The following TRERF1 variants were observed in gnomAD, a reference collection of about 807,000 sequenced individuals.
The protein encoded by TRERF1 is transcriptional regulating factor 1, also known as transcriptional-regulating factor 1.
TRERF1 carries 27 observed loss-of-function variants against 122.9 expected under a neutral mutation model. That is an observed-to-expected ratio of 0.22 (90% CI 0.16 to 0.30). The LOEUF is 0.30. Among genes scored for constraint, TRERF1 ranks in the 10% least tolerant of loss-of-function variants. The pLI, the probability that TRERF1 is intolerant of heterozygous loss-of-function variation, is 1.00. For missense variants in TRERF1, 1,248 were observed against 1,560.3 expected (o/e 0.80, Z 3.37); for synonymous variants, 636 against 641.7 (o/e 0.99, Z 0.13).
intron 8 of TRERF1, among the ~76,000 whole-genome samples, chr6:42,261,865 C>G (rs1582643279): frequency 6.6e-6 from 1 of 152,190 alleles, no homozygotes; most frequent in African/African-American, 2.4e-5. Context: ...CCTGAGCAAA[C>G]TCCCTTGCCC....
chr6:42,265,302 G>A lies in TRERF1; in HGVS notation c.1485-448C>T, dbSNP rs192690407. Among the ~76,000 whole-genome samples the A allele has an allele frequency of 2.6e-5, 4 of 152,356 alleles. No homozygotes were observed. In the East Asian group the frequency reaches 7.7e-4, roughly 29 times the overall value. On this transcript the variant is annotated intron_variant, in intron 6 of 17. Transcript: ENST00000372922. ...TCTTTATTGACCATGCCCATGGGATGAGGAAGCAAGTCTGTACTGTTCACT... is the reference window on the plus strand; with the variant it reads ...TCTTTATTGACCATGCCCATGGGATAAGGAAGCAAGTCTGTACTGTTCACT...
rs76454850 is a variant in TRERF1 at position 42,249,759 on chromosome 6, A to G, written c.2657-3215T>C. The stretch of plus-strand genomic sequence containing the variant: ...AGAGGTGGCTCTTCTGCACAGTCCT[A>G]GGCTTTGTGCTTTGGTGCAAATGAT... On this transcript the variant is annotated intron_variant, in intron 13 of 17. Coordinates refer to ENST00000372922, the Ensembl canonical transcript of TRERF1. Among the ~76,000 whole-genome samples, 4 of 152,306 alleles carry G rather than the reference A, an allele frequency of 2.6e-5. No individual in the cohort carries two copies. In the East Asian group the frequency reaches 7.7e-4, roughly 29 times the overall value.
chr6:42,290,041 C>T (rs192837029), intron 4 of TRERF1, among the ~76,000 whole-genome samples: 147 of 152,214 alleles, frequency 9.7e-4, no homozygotes, highest in African/African-American at 3.5e-3. Context: ...GCAGCTGGAC[C>T]GAGGTTCCAA....
chr6:42,284,212 T>C (rs13194617), intron 4 of TRERF1, among the ~76,000 whole-genome samples: 4,120 of 151,958 alleles, frequency 0.027, 56 homozygotes, highest in Non-Finnish European at 0.037. Flanking sequence ...CCCTCTAGTG[T>C]CAATCTTTAT....
chr6:42,368,238 C>G (rs1339083667), intron 2 of TRERF1, among the ~76,000 whole-genome samples: 1 of 152,044 alleles, frequency 6.6e-6, no homozygotes, highest in Non-Finnish European at 1.5e-5. Flanking sequence ...ATTGTACCTC[C>G]CCAACCAGGT....
chr6:42,308,321 T>C lies in TRERF1; in HGVS notation c.-370-7572A>G, dbSNP rs115963935. 2.9e-3 allele frequency among the ~76,000 whole-genome samples: 448 copies of C among 152,302 alleles called. 2 individuals carry two copies. Among genetic ancestry groups the C allele is most frequent in the African/African-American group, 0.01 (423 of 41,574 alleles). ...ATAAACACTAATACATGCAACAACA[T>C]GGATGAACCTCGAAAACAGGGTGTT... is the stretch of plus-strand genomic sequence containing the variant. On this transcript the variant is annotated intron_variant, in intron 3 of 17. Coordinates refer to ENST00000372922, the Ensembl canonical transcript of TRERF1.
intron 4 of TRERF1, among the ~76,000 whole-genome samples, chr6:42,278,553 C>T (rs1781708394): frequency 6.6e-6 from 1 of 152,190 alleles, no homozygotes; most frequent in Non-Finnish European, 1.5e-5. Flanking sequence ...GTGCAACAGG[C>T]TCTGAGTGGG....
intron 4 of TRERF1, among the ~76,000 whole-genome samples, chr6:42,299,094 ATCTGTCTGTCTGTCTGTCTGTC>A (rs1785599175): frequency 7.0e-6 from 1 of 143,054 alleles, no homozygotes; most frequent in African/African-American, 2.6e-5. Context: ...CTATCTATCT[ATCTGTCTGTCTGTCTGTCTGTC>A]TCTATCTATC....
At chr6:42,246,032 C>T (rs932891073) in intron 14 of TRERF1, among the ~76,000 whole-genome samples, 3 of 152,150 alleles carry the variant, frequency 2.0e-5, no homozygotes, top group Non-Finnish European at 4.4e-5. Flanking sequence ...CGCTTGAACC[C>T]GGGAGGTGGA....
chr6:42,436,062 G>C (rs1193055778), intron 2 of TRERF1, among the ~76,000 whole-genome samples: 1 of 151,920 alleles, frequency 6.6e-6, no homozygotes, highest in East Asian at 1.9e-4. Flanking sequence ...GTTGAACATA[G>C]AGTCCATATG....
intron 2 of TRERF1, among the ~76,000 whole-genome samples, chr6:42,443,148 TCAA>T (rs1362701722): frequency 6.6e-6 from 1 of 152,226 alleles, no homozygotes; most frequent in Non-Finnish European, 1.5e-5. Context: ...TTTTTCAAAA[TCAA>T]CGACACATAT....
intron 4 of TRERF1, among the ~76,000 whole-genome samples, chr6:42,296,588 G>A (rs1785148109): frequency 2.0e-5 from 3 of 152,212 alleles, no homozygotes; most frequent in South Asian, 2.1e-4. Context: ...GGCAGAGGTA[G>A]GTTCAAACTC....
intron 15 of TRERF1, among the ~76,000 whole-genome samples, chr6:42,239,109 T>C (rs1331912825): frequency 6.6e-6 from 1 of 152,150 alleles, no homozygotes; most frequent in South Asian, 2.1e-4. Context: ...TCTCTCAATA[T>C]TACTGGAACC....
At chr6:42,264,666 C>G in intron 7 of TRERF1, 38 bp downstream of exon 7, 2 of 1,604,422 alleles carry the variant, frequency 1.2e-6, no homozygotes, top group South Asian at 2.2e-5. Context: ...GCAAGCAGCA[C>G]ACGACCTAGA....
intron 2 of TRERF1, among the ~76,000 whole-genome samples, chr6:42,409,046 G>T (rs1384366507): frequency 2.0e-5 from 3 of 152,006 alleles, no homozygotes; most frequent in African/African-American, 4.8e-5. Flanking sequence ...CCAACAATTC[G>T]GGAGGCTGAA....
Position 42,269,002 on chromosome 6 carries a change from T to C in TRERF1, c.589A>G (p.Ile197Val), listed in dbSNP as rs773474861. Residue 197 changes from isoleucine to valine, a missense_variant, in exon 5 of 18, where the codon ATC (isoleucine) becomes GTC (valine). This residue lies in a region of TRERF1 where 946 missense variants were observed against 1,073.0 expected (regional missense o/e 0.88). Coordinates refer to ENST00000372922, the Ensembl canonical transcript of TRERF1. This position sits in a 1 kb window ranked among gnomAD's most constrained non-coding sequence, Gnocchi z 4.9. ...GGCACCTGCTGGTAGCGGGAAGGGA[T>C]AGCCGGTGCTGGGGGCTCCATGGGC... 2.5e-6 allele frequency: 4 copies of C among 1,613,494 alleles called. No homozygotes were observed. Among genetic ancestry groups the C allele is most frequent in the Non-Finnish European group, 3.4e-6 (4 of 1,179,592 alleles).
intron 3 of TRERF1, among the ~76,000 whole-genome samples, chr6:42,351,039 T>C (rs1434680656): frequency 2.0e-5 from 3 of 151,970 alleles, no homozygotes; most frequent in African/African-American, 7.3e-5. Flanking sequence ...GATGGCCTCA[T>C]GAAAAATGTT....
chr6:42,327,127 G>A (rs1315845163), intron 3 of TRERF1, among the ~76,000 whole-genome samples: 4 of 152,164 alleles, frequency 2.6e-5, no homozygotes, highest in African/African-American at 9.7e-5. Flanking sequence ...ATACCACCAG[G>A]ATAGAGGTCA....
chr6:42,234,144 A>C lies in TRERF1; in HGVS notation c.3067-1252T>G, dbSNP rs187450728. Among the ~76,000 whole-genome samples, 925 of 152,224 alleles carry C rather than the reference A, an allele frequency of 6.1e-3. 6 individuals are homozygous for C. The highest frequency in any genetic ancestry group is 8.7e-3 in the Non-Finnish European group (590 of 68,002). The stretch of plus-strand genomic sequence containing the variant: ...TTATGATAAATTCCAGACACTGCCA[A>C]ATGTTCTTGGGGAATAAATCATCCC... On this transcript the variant is annotated intron_variant, in intron 16 of 17. Coordinates refer to ENST00000372922, the Ensembl canonical transcript of TRERF1.
Sources: gnomAD v4.1 joint callset for allele counts (sites outside exome capture counted in the v4.1 genomes callset) on GRCh38, gnomAD v4.1.1 for gene constraint, gnomAD v4.1.1 regional missense constraint, Gnocchi (gnomAD v3.1) non-coding constraint, MANE v1.5 for transcripts, NCBI Gene and HGNC (gene_info 2026-07-23, HGNC 2026-07-21) for gene names.